Variants in DSCAM observed in about 807,000 individuals in gnomAD.
DSCAM encodes the protein cell adhesion molecule DSCAM.
Under a neutral mutation model 217.7 loss-of-function variants are expected in DSCAM, and 47 were observed. The ratio of observed to expected loss-of-function variants is 0.22; its 90% CI spans 0.17 to 0.28. DSCAM has a LOEUF of 0.28. Ranked by LOEUF, DSCAM falls within the 10% of genes least tolerant of loss-of-function variation. DSCAM has a pLI of 1.00. For synonymous variants in DSCAM, 1,056 were observed against 1,015.3 expected (o/e 1.04, Z -0.76); for missense variants, 2,080 against 2,618.3 (o/e 0.79, Z 4.49).
chr21:40,219,535 A>T (rs1476542077), intron 11 of DSCAM, among the ~76,000 whole-genome samples: 2 of 151,896 alleles, frequency 1.3e-5, no homozygotes, highest in Non-Finnish European at 2.9e-5. Flanking sequence ...TTCTGTCTTG[A>T]CTCTTTCTAC....
intron 3 of DSCAM, among the ~76,000 whole-genome samples, chr21:40,423,249 G>A (rs919273524): frequency 2.6e-5 from 4 of 152,156 alleles, no homozygotes; most frequent in Non-Finnish European, 5.9e-5. Context: ...CCAAAATTTT[G>A]AGTCACGATG....
intron 9 of DSCAM, among the ~76,000 whole-genome samples, chr21:40,302,869 GGA>G (rs910884401): frequency 6.6e-5 from 10 of 152,016 alleles, no homozygotes; most frequent in Non-Finnish European, 2.9e-5. Flanking sequence ...GGTGGGGGGT[GGA>G]TTACTTCTGT....
intron 3 of DSCAM, among the ~76,000 whole-genome samples, chr21:40,449,809 A>G (rs1308438487): frequency 1.3e-5 from 2 of 152,198 alleles, no homozygotes; most frequent in South Asian, 4.1e-4. Context: ...AATAAAGATT[A>G]GGCATACTGT....
chr21:40,522,381 C>T (rs775062025), intron 3 of DSCAM, among the ~76,000 whole-genome samples: 16 of 152,210 alleles, frequency 1.1e-4, no homozygotes, highest in Admixed American at 2.0e-4. Flanking sequence ...TTTTGCTCAA[C>T]AGGAAAGTCA....
rs142000454 is a variant in DSCAM, at chr21:40,414,152, C to G, written c.509-44907G>C. On this transcript the variant is annotated intron_variant, in intron 3 of 32. Coordinates refer to ENST00000400454, the MANE Select transcript of DSCAM (RefSeq NM_001389.5). ...AACAAGTTACATCACAGCTGAAAAC[C>G]ATTGCTCTTCCAAAAATACGTTTAA... is the stretch of plus-strand genomic sequence containing the variant. 2.2e-3 allele frequency among the ~76,000 whole-genome samples: 342 copies of G among 152,188 alleles called. 2 individuals carry two copies. The highest frequency in any genetic ancestry group is 2.7e-3 in the Non-Finnish European group (182 of 67,990).
At chr21:40,127,071 T>TA in intron 19 of DSCAM, among the ~76,000 whole-genome samples, 1 of 152,332 alleles carries the variant, frequency 6.6e-6, no homozygotes. Context: ...CTAATAATCT[T>TA]TAGTTCCCTC....
rs2089497547 is a variant in DSCAM, at chr21:40,083,947, A to C, written c.4192T>G (p.Ser1398Ala). 6.2e-7 allele frequency: 1 copy of C among 1,613,872 alleles called. No individual in the cohort carries two copies. The highest frequency in any genetic ancestry group is 1.7e-5 in the Admixed American group (1 of 59,962). The change falls in exon 24 of 33, where the codon TCT (serine) becomes GCT (alanine). Residue 1398 changes from serine to alanine, a missense_variant. Physicochemically the swap from Ser to Ala is moderately conservative, Grantham distance 99. Coordinates refer to ENST00000400454, the MANE Select transcript of DSCAM (RefSeq NM_001389.5). ...CCCCCGTTGTCTCCAGGGAGCCAAG[A>C]AAGGGTGATGGAGGAAGACGTGGTC... ...SKTTSSSITL[S>A]WLPGDNGGSS...
intron 3 of DSCAM, among the ~76,000 whole-genome samples, chr21:40,563,545 GTTTA>G (rs2076737632): frequency 7.4e-6 from 1 of 135,698 alleles, no homozygotes; most frequent in African/African-American, 2.7e-5. Flanking sequence ...ATAGTTATAT[GTTTA>G]TATATGTTTA....
At chr21:40,530,591 A>G (rs1268117354) in intron 3 of DSCAM, among the ~76,000 whole-genome samples, 1 of 152,228 alleles carries the variant, frequency 6.6e-6, no homozygotes, top group East Asian at 1.9e-4. Flanking sequence ...GTTCTATTTG[A>G]CATTAAAATG....
intron 8 of DSCAM, among the ~76,000 whole-genome samples, chr21:40,318,127 T>G (rs890209176): frequency 7.4e-6 from 1 of 135,760 alleles, no homozygotes; most frequent in Non-Finnish European, 1.5e-5. Context: ...TAGATGGGAA[T>G]TGAACAATGA....
intron 3 of DSCAM, among the ~76,000 whole-genome samples, chr21:40,475,446 G>C (rs2075925444): frequency 6.6e-6 from 1 of 152,204 alleles, no homozygotes; most frequent in African/African-American, 2.4e-5. Flanking sequence ...ATTAGAGTCA[G>C]GGGCTCTTTG....
intron 32 of DSCAM, among the ~76,000 whole-genome samples, chr21:40,033,196 TC>T (rs1268777836): frequency 2.0e-5 from 3 of 152,068 alleles, no homozygotes; most frequent in Non-Finnish European, 2.9e-5. Flanking sequence ...TAGGAACAGC[TC>T]CCGTCTACAG....
chr21:40,369,542 A>G (rs1211565454), intron 3 of DSCAM, among the ~76,000 whole-genome samples: 1 of 152,078 alleles, frequency 6.6e-6, no homozygotes, highest in East Asian at 1.9e-4. Flanking sequence ...TTTTTAGATC[A>G]TGCATTTATC....
intron 11 of DSCAM, among the ~76,000 whole-genome samples, chr21:40,230,426 C>T (rs1169818610): frequency 1.3e-5 from 2 of 152,082 alleles, no homozygotes; most frequent in East Asian, 1.9e-4. Flanking sequence ...CTGGAATTGG[C>T]CAATTTTATC....
intron 1 of DSCAM, among the ~76,000 whole-genome samples, chr21:40,830,188 G>C (rs2092001302): frequency 6.6e-6 from 1 of 152,178 alleles, no homozygotes; most frequent in South Asian, 2.1e-4. Context: ...TTCTAAGAAA[G>C]CCTCAAGAAG....
chr21:40,141,413 A>G (rs2090288369), intron 18 of DSCAM, among the ~76,000 whole-genome samples: 1 of 152,108 alleles, frequency 6.6e-6, no homozygotes, highest in Non-Finnish European at 1.5e-5. Flanking sequence ...CCAGGAGTTC[A>G]AGACCAGCCT....
chr21:40,464,935 T>C (rs557535071), intron 3 of DSCAM, among the ~76,000 whole-genome samples: 10 of 152,156 alleles, frequency 6.6e-5, no homozygotes, highest in African/African-American at 2.2e-4. Flanking sequence ...GAGATGAGGT[T>C]TCACCACGTT....
At chr21:40,612,969 C>G (rs2089336046) in intron 3 of DSCAM, among the ~76,000 whole-genome samples, 1 of 152,116 alleles carries the variant, frequency 6.6e-6, no homozygotes, top group Non-Finnish European at 1.5e-5. Flanking sequence ...TGTCCCTTTA[C>G]TGTCTTTCCC....
At chr21:40,524,734 G>A (rs1000911299) in intron 3 of DSCAM, among the ~76,000 whole-genome samples, 1 of 152,072 alleles carries the variant, frequency 6.6e-6, no homozygotes, top group African/African-American at 2.4e-5. Context: ...CACAGGGCCA[G>A]GTGTGGTGGC....
Sources: allele counts gnomAD v4.1 joint callset (sites outside exome capture counted in the v4.1 genomes callset), GRCh38; gene constraint gnomAD v4.1.1; transcripts MANE v1.5; gene names NCBI Gene and HGNC (gene_info 2026-07-23, HGNC 2026-07-21).